The following DNAJC6 variants were observed in gnomAD, a reference collection of about 807,000 sequenced individuals.
DNAJC6 encodes auxilin.
DNAJC6 carries 34 observed loss-of-function variants against 110.0 expected under a neutral mutation model. The ratio of observed to expected loss-of-function variants is 0.31; its 90% CI spans 0.24 to 0.41. The LOEUF (loss-of-function observed/expected upper bound fraction) is 0.41, where lower values mean the gene tolerates loss of function less well. Among genes scored for constraint, DNAJC6 ranks in the 10% least tolerant of loss-of-function variants. The pLI is 1.00. For missense variants in DNAJC6, 1,031 were observed against 1,207.8 expected (o/e 0.85, Z 2.17); for synonymous variants, 406 against 437.2 (o/e 0.93, Z 0.89).
chr1:65,306,996 CTCTCTCTCTCTCTCTCTCTCTCTATA>C (rs1169044358), upstream of DNAJC6, among the ~76,000 whole-genome samples: 11 of 122,488 alleles, frequency 9.0e-5, no homozygotes, highest in South Asian at 5.9e-4. Context: ...CTCTCTCTCT[CTCTCTCTCTCTCTCTCTCTCTCTATA>C]TATATATATA....
At chr1:65,308,404 T>G (rs1027032489), upstream of DNAJC6, among the ~76,000 whole-genome samples, 5 of 152,250 alleles carry the variant, frequency 3.3e-5, no homozygotes, top group Admixed American at 6.5e-5. Context: ...TTACTTGATC[T>G]TGACCTAAGA....
chr1:65,357,423 C>T (rs576845751), intron 1 of DNAJC6, among the ~76,000 whole-genome samples: 1 of 152,260 alleles, frequency 6.6e-6, no homozygotes, highest in Admixed American at 6.5e-5. Context: ...TGTGGAGTCC[C>T]AGAGGATCCA....
intron 1 of DNAJC6, among the ~76,000 whole-genome samples, chr1:65,316,077 G>A (rs934626792): frequency 6.6e-6 from 1 of 152,114 alleles, no homozygotes; most frequent in African/African-American, 2.4e-5. Flanking sequence ...AATTGATGAA[G>A]CATTATATAT....
chr1:65,281,640 G>T (rs1424645305), intron 1 of DNAJC6, among the ~76,000 whole-genome samples: 1 of 151,326 alleles, frequency 6.6e-6, no homozygotes, highest in Admixed American at 6.6e-5. Context: ...ATGGAGTCTC[G>T]CTCTGTCACC....
chr1:65,309,687 C>T lies in DNAJC6; in HGVS notation c.-59C>T. 2.0e-6 allele frequency: 3 copies of T among 1,528,710 alleles called. No individual in the cohort carries two copies. Among genetic ancestry groups the T allele is most frequent in the South Asian group, 2.4e-5 (2 of 81,822 alleles). The allele number at this position is 1,528,710 out of a possible 1,614,324, so 94.7% of individuals were successfully genotyped here. A position where few individuals can be genotyped will look rare whatever the true frequency, so the allele number is the denominator to read the frequency against. Reference sequence around the variant, plus strand: ...TAATTCCTTCTTCAGCCCTTTCCACCTTCCATCTCCCTTTTCGCTTCCCAG... The same window carrying T: ...TAATTCCTTCTTCAGCCCTTTCCACTTTCCATCTCCCTTTTCGCTTCCCAG... On this transcript the variant is annotated 5_prime_UTR_variant, in exon 1 of 19. Coordinates refer to ENST00000371069, the MANE Select transcript of DNAJC6 (RefSeq NM_001256864.2).
chr1:65,284,047 C>T (rs1382477660), intron 1 of DNAJC6, among the ~76,000 whole-genome samples: 1 of 152,116 alleles, frequency 6.6e-6, no homozygotes, highest in Non-Finnish European at 1.5e-5. Flanking sequence ...CCGGGGTCCC[C>T]TTTTTACCTC....
At chr1:65,363,926 A>T (rs1193207834) in intron 1 of DNAJC6, among the ~76,000 whole-genome samples, 1 of 152,168 alleles carries the variant, frequency 6.6e-6, no homozygotes. Context: ...TAAAAGCTGT[A>T]CTAAAGCCCC....
intron 1 of DNAJC6, among the ~76,000 whole-genome samples, chr1:65,338,975 T>C (rs1352070315): frequency 6.6e-6 from 1 of 152,230 alleles, no homozygotes; most frequent in East Asian, 1.9e-4. Flanking sequence ...TGTGCTCCAT[T>C]GATGCCCTCT....
At chr1:65,322,152 T>C (rs1345721118) in intron 1 of DNAJC6, among the ~76,000 whole-genome samples, 1 of 152,202 alleles carries the variant, frequency 6.6e-6, no homozygotes, top group African/African-American at 2.4e-5. Flanking sequence ...AAGACAGCTC[T>C]ATTTTATATC....
chr1:65,266,945 G>A (rs1653353784), intron 1 of DNAJC6, among the ~76,000 whole-genome samples: 1 of 149,982 alleles, frequency 6.7e-6, no homozygotes, highest in Non-Finnish European at 1.5e-5. Flanking sequence ...CGCCCAGGTT[G>A]GAGTGCAATG....
chr1:65,389,559 T>C lies in DNAJC6; in HGVS notation c.1400T>C (p.Ile467Thr). ...TTTTGTCTTGCAGGACAGGCTCCAA[T>C]AGATATCCCTCCAGACAACCCCAGG... is the stretch of plus-strand genomic sequence containing the variant. ...DTLALGGQAP[I>T]DIPPDNPRHY... The change falls in exon 11 of 19, where the codon ATA becomes ACA. Residue 467 changes from isoleucine (I) to threonine (T), a missense_variant. Transcript: ENST00000371069. The C allele has an allele frequency of 6.2e-7, 1 of 1,614,172 alleles. No homozygotes were observed. Among genetic ancestry groups the C allele is most frequent in the Non-Finnish European group, 8.5e-7 (1 of 1,180,014 alleles).
intron 1 of DNAJC6, among the ~76,000 whole-genome samples, chr1:65,350,520 AG>A (rs1645480738): frequency 6.6e-6 from 1 of 152,116 alleles, no homozygotes; most frequent in Admixed American, 6.5e-5. Flanking sequence ...TTATATCTGT[AG>A]TTTTATTGTA....
intron 1 of DNAJC6, among the ~76,000 whole-genome samples, chr1:65,357,439 G>GA (rs1360136288): frequency 6.6e-6 from 1 of 152,240 alleles, no homozygotes; most frequent in African/African-American, 2.4e-5. Flanking sequence ...ATCCACTGAA[G>GA]AAGGCTGATG....
chr1:65,389,216 T>C (rs1419182778), intron 9 of DNAJC6, 40 bp from the exon 10 acceptor site: 1 of 1,573,880 alleles, frequency 6.4e-7, no homozygotes, highest in Non-Finnish European at 8.7e-7. Flanking sequence ...CCAGTTCCAT[T>C]GTTTTTCACT....
At chr1:65,310,464 G>C (rs564772137) in intron 1 of DNAJC6, among the ~76,000 whole-genome samples, 5 of 152,360 alleles carry the variant, frequency 3.3e-5, no homozygotes, top group African/African-American at 1.2e-4. Flanking sequence ...CCGTCTGCTA[G>C]GGTTAATGTT....
intron 8 of DNAJC6, among the ~76,000 whole-genome samples, chr1:65,387,853 C>T (rs1181073671): frequency 1.3e-5 from 2 of 152,190 alleles, no homozygotes; most frequent in Non-Finnish European, 2.9e-5. Flanking sequence ...AAGAGTAAGA[C>T]TATGTCTCTG....
intron 1 of DNAJC6, among the ~76,000 whole-genome samples, chr1:65,289,123 T>C (rs890224966): frequency 1.3e-5 from 2 of 152,238 alleles, no homozygotes; most frequent in African/African-American, 4.8e-5. Flanking sequence ...TACCAAGTTT[T>C]ACTCCTCTCA....
chr1:65,338,881 C>T (rs4636508), intron 1 of DNAJC6, among the ~76,000 whole-genome samples: 94,058 of 152,064 alleles, frequency 0.62, 30,387 homozygotes, highest in African/African-American at 0.81. Flanking sequence ...CACCTGGCCC[C>T]GAGTGCCCTT....
At chr1:65,340,167 T>C (rs974418474) in intron 1 of DNAJC6, among the ~76,000 whole-genome samples, 5 of 152,342 alleles carry the variant, frequency 3.3e-5, no homozygotes, top group African/African-American at 1.2e-4. Flanking sequence ...GTTAACCTTA[T>C]GGGTCAGATC....
Sources: allele counts gnomAD v4.1 joint callset (sites outside exome capture counted in the v4.1 genomes callset), GRCh38; gene constraint gnomAD v4.1.1; transcripts MANE v1.5; gene names NCBI Gene and HGNC (gene_info 2026-07-23, HGNC 2026-07-21).